Variants in OCLN observed in about 807,000 individuals in gnomAD.
OCLN encodes occludin.
Under a neutral mutation model 47.9 loss-of-function variants are expected in OCLN, and 21 were observed. That is an observed-to-expected ratio of 0.44 (90% CI 0.31 to 0.63). The LOEUF is 0.63. Among genes scored for constraint, OCLN ranks in the 30% least tolerant of loss-of-function variants. OCLN has a pLI of 0.08. For synonymous variants in OCLN, 117 were observed against 198.4 expected, an observed-to-expected ratio of 0.59 and a Z score of 3.45; for missense variants, 360 against 571.0, an observed-to-expected ratio of 0.63 and a Z score of 3.77.
chr5:69,528,838 G>A (rs1321506038), intron 4 of OCLN, among the ~76,000 whole-genome samples: 1 of 152,182 alleles, frequency 6.6e-6, no homozygotes, highest in East Asian at 1.9e-4. Context: ...CCTTCTTAGA[G>A]GTAGATGGCT....
At chr5:69,501,875 T>G (rs1207367246) in intron 1 of OCLN, among the ~76,000 whole-genome samples, 1 of 152,094 alleles carries the variant, frequency 6.6e-6, no homozygotes, top group Non-Finnish European at 1.5e-5. Context: ...TCTGAGAGAT[T>G]TGAAATACAC....
At chr5:69,506,493 T>C (rs1349409871) in intron 2 of OCLN, among the ~76,000 whole-genome samples, 1 of 152,176 alleles carries the variant, frequency 6.6e-6, no homozygotes, top group Non-Finnish European at 1.5e-5. Flanking sequence ...CATGATTGAC[T>C]AAATCATTGG....
chr5:69,505,038 T>C (rs1255838721), intron 2 of OCLN, among the ~76,000 whole-genome samples: 1 of 152,022 alleles, frequency 6.6e-6, no homozygotes, highest in Non-Finnish European at 1.5e-5. Context: ...TCACCTGAGG[T>C]CGGGAGTTTA....
At chr5:69,502,564 T>C (rs1204938816) in intron 1 of OCLN, 1 of 152,226 alleles carries the variant, frequency 6.6e-6, no homozygotes, top group Non-Finnish European at 1.5e-5. Context: ...ACATGGAATT[T>C]ACCTTCCAGT....
chr5:69,517,949 G>A (rs543368614), intron 4 of OCLN, among the ~76,000 whole-genome samples: 1 of 152,218 alleles, frequency 6.6e-6, no homozygotes, highest in South Asian at 2.1e-4. Context: ...GTTAGTTTTC[G>A]TTGGCAGTTA....
At chr5:69,500,740 T>G (rs1482674452) in intron 1 of OCLN, among the ~76,000 whole-genome samples, 1 of 152,080 alleles carries the variant, frequency 6.6e-6, no homozygotes, top group Non-Finnish European at 1.5e-5. Context: ...ACGTGACAAC[T>G]CTGAATCCTG....
chr5:69,500,810 GATTA>G (rs1311313146), intron 1 of OCLN, among the ~76,000 whole-genome samples: 2 of 152,194 alleles, frequency 1.3e-5, no homozygotes, highest in Non-Finnish European at 2.9e-5. Flanking sequence ...ACTGAGTCTG[GATTA>G]ATTTAGAGTT....
chr5:69,497,385 A>ATT (rs373562576), intron 1 of OCLN, among the ~76,000 whole-genome samples: 6,368 of 116,292 alleles, frequency 0.055, 463 homozygotes, highest in Non-Finnish European at 0.078. Flanking sequence ...GTTTTTCTAG[A>ATT]TTTTTTTTTT....
intron 4 of OCLN, among the ~76,000 whole-genome samples, chr5:69,517,838 C>G (rs955464569): frequency 5.3e-5 from 8 of 151,788 alleles, no homozygotes; most frequent in African/African-American, 1.9e-4. Context: ...GAAGTGTTTT[C>G]TTTCGACATT....
chr5:69,496,172 T>C (rs934164324), intron 1 of OCLN, among the ~76,000 whole-genome samples: 46 of 151,966 alleles, frequency 3.0e-4, no homozygotes, highest in South Asian at 6.2e-4. Flanking sequence ...GATCTTGGCT[T>C]ACTGCAAGCT....
chr5:69,530,315 A>C (rs746940350), intron 4 of OCLN, among the ~76,000 whole-genome samples: 1 of 152,176 alleles, frequency 6.6e-6, no homozygotes, highest in Non-Finnish European at 1.5e-5. Flanking sequence ...CATTTCTCTC[A>C]TAATAGGAAA....
intron 3 of OCLN, 83 bp downstream of exon 3, chr5:69,509,902 ACT>A (rs773881476): frequency 8.5e-6 from 9 of 1,061,910 alleles, no homozygotes; most frequent in Non-Finnish European, 1.2e-5. Context: ...CACTCTGGAA[ACT>A]CTTAAAAAAT....
At chr5:69,499,458 G>A (rs1038795974) in intron 1 of OCLN, among the ~76,000 whole-genome samples, 1 of 152,254 alleles carries the variant, frequency 6.6e-6, no homozygotes. Flanking sequence ...GATGTGGAGG[G>A]TCAGCTGTAT....
chr5:69,512,882 C>T (rs1210059401), intron 3 of OCLN, among the ~76,000 whole-genome samples: 5 of 151,868 alleles, frequency 3.3e-5, no homozygotes, highest in Non-Finnish European at 7.4e-5. Flanking sequence ...ATCTTTTTTC[C>T]CTTGTTTTTC....
At chr5:69,520,484 A>G (rs1769104933) in intron 4 of OCLN, among the ~76,000 whole-genome samples, 1 of 151,094 alleles carries the variant, frequency 6.6e-6, no homozygotes. Context: ...TATTTTTAGT[A>G]GAGACGGGGT....
chr5:69,494,397 G>C (rs1768234048), intron 1 of OCLN, among the ~76,000 whole-genome samples: 1 of 152,194 alleles, frequency 6.6e-6, no homozygotes, highest in Admixed American at 6.5e-5. Context: ...ATTTGGTCAG[G>C]CTGGTCTCGA....
intron 4 of OCLN, among the ~76,000 whole-genome samples, chr5:69,519,854 C>T (rs1346323615): frequency 6.6e-6 from 1 of 152,020 alleles, no homozygotes; most frequent in Admixed American, 6.6e-5. Context: ...TTTTGCATTC[C>T]GCCAATACTG....
chr5:69,521,961 T>G (rs907303099), intron 4 of OCLN, among the ~76,000 whole-genome samples: 1 of 152,334 alleles, frequency 6.6e-6, no homozygotes, highest in Middle Eastern at 3.4e-3. Flanking sequence ...TGATGATAAC[T>G]TCTCCCACAT....
intron 1 of OCLN, among the ~76,000 whole-genome samples, chr5:69,503,206 C>G (rs1297035439): frequency 2.6e-5 from 4 of 152,148 alleles, no homozygotes; most frequent in Admixed American, 6.6e-5. Flanking sequence ...CCTAGGTTTG[C>G]TGCTGCTGAC....
Sources: gnomAD v4.1 joint callset for allele counts (sites outside exome capture counted in the v4.1 genomes callset) on GRCh38, gnomAD v4.1.1 for gene constraint, MANE v1.5 for transcripts, NCBI Gene and HGNC (gene_info 2026-07-23, HGNC 2026-07-21) for gene names.